PPP2R2B: variants seen among roughly 807,000 people sequenced by gnomAD.
PPP2R2B encodes protein phosphatase 2 regulatory subunit Bbeta, also known as serine/threonine-protein phosphatase 2A 55 kDa regulatory subunit B beta isoform.
A neutral mutation model predicts 46.0 loss-of-function variants in PPP2R2B; 5 were observed. The observed-to-expected ratio is 0.11, with a 90% CI of 0.06 to 0.23. The LOEUF is 0.23. Ranked by LOEUF, PPP2R2B falls within the 10% of genes least tolerant of loss-of-function variation. The probability of loss-of-function intolerance (pLI) is 1.00; values close to 1 mark genes in which losing one functional copy is unlikely to be tolerated. For missense variants in PPP2R2B, 367 were observed against 575.0 expected (o/e 0.64, Z 3.70); for synonymous variants, 215 against 206.7 (o/e 1.04, Z -0.34).
chr5:147,029,152 T>C (rs1244534154), intron 1 of PPP2R2B, among the ~76,000 whole-genome samples: 1 of 152,228 alleles, frequency 6.6e-6, no homozygotes. Flanking sequence ...TTAACTTTAA[T>C]GTAGTCTAAT....
chr5:146,942,945 C>T (rs1423821538), intron 1 of PPP2R2B, among the ~76,000 whole-genome samples: 1 of 151,956 alleles, frequency 6.6e-6, no homozygotes, highest in East Asian at 1.9e-4. Context: ...CTACAGGTGC[C>T]CGCCACCACG....
chr5:146,799,111 C>G (rs1388520937), intron 2 of PPP2R2B, among the ~76,000 whole-genome samples: 1 of 152,178 alleles, frequency 6.6e-6, no homozygotes, highest in African/African-American at 2.4e-5. Flanking sequence ...TTACTTACTC[C>G]CCAGTTCTTA....
intron 2 of PPP2R2B, among the ~76,000 whole-genome samples, chr5:146,832,477 C>T (rs1210663765): frequency 4.7e-5 from 7 of 149,226 alleles, no homozygotes; most frequent in Non-Finnish European, 3.0e-5. Flanking sequence ...CCGCAACCTC[C>T]GCCTCCTGGG....
chr5:146,774,941 A>G (rs1232999119), intron 2 of PPP2R2B, among the ~76,000 whole-genome samples: 2 of 152,180 alleles, frequency 1.3e-5, no homozygotes, highest in East Asian at 3.8e-4. Flanking sequence ...ACTTAAGGAG[A>G]AATAGAAAAT....
intron 1 of PPP2R2B, among the ~76,000 whole-genome samples, chr5:146,953,679 G>A (rs1751734414): frequency 1.3e-5 from 2 of 152,156 alleles, no homozygotes; most frequent in South Asian, 4.1e-4. Context: ...TACTTAGCCT[G>A]TGTTAAACAT....
At chr5:146,828,019 G>GAC (rs1554142009) in intron 2 of PPP2R2B, among the ~76,000 whole-genome samples, 39 of 145,452 alleles carry the variant, frequency 2.7e-4, no homozygotes, top group African/African-American at 9.1e-4. Context: ...GAGAGAGAGA[G>GAC]AGAGACAGAG....
intron 2 of PPP2R2B, among the ~76,000 whole-genome samples, chr5:146,706,006 AC>A (rs1779819429): frequency 6.6e-6 from 1 of 152,100 alleles, no homozygotes; most frequent in African/African-American, 2.4e-5. Flanking sequence ...AAAACAAAAA[AC>A]AATTGAATTG....
intron 2 of PPP2R2B, among the ~76,000 whole-genome samples, chr5:146,734,822 T>C (rs1752441955): frequency 6.6e-6 from 1 of 152,194 alleles, no homozygotes; most frequent in Admixed American, 6.5e-5. Context: ...ATGATACTTA[T>C]GTTTTGGAAT....
chr5:146,644,669 G>T (rs1210195746), intron 6 of PPP2R2B, among the ~76,000 whole-genome samples: 1 of 152,148 alleles, frequency 6.6e-6, no homozygotes, highest in African/African-American at 2.4e-5. Context: ...TTTGCTAAGA[G>T]AATTTGGGAA....
At chr5:146,790,387 GA>G (rs1756120863) in intron 2 of PPP2R2B, among the ~76,000 whole-genome samples, 1 of 152,174 alleles carries the variant, frequency 6.6e-6, no homozygotes, top group South Asian at 2.1e-4. Flanking sequence ...TGATTAGAAA[GA>G]GTTGTTATTT....
At chr5:146,769,760 C>T (rs77782943) in intron 2 of PPP2R2B, among the ~76,000 whole-genome samples, 8,992 of 152,120 alleles carry the variant, frequency 0.059, 420 homozygotes, top group African/African-American at 0.13. Flanking sequence ...AATACAAACA[C>T]GAGCAAGTCC....
chr5:146,643,512 G>T (rs1258088083), intron 6 of PPP2R2B, among the ~76,000 whole-genome samples: 1 of 152,194 alleles, frequency 6.6e-6, no homozygotes, highest in Non-Finnish European at 1.5e-5. Context: ...TCTTGGCATT[G>T]TATGTTCCCA....
chr5:146,876,265 G>A (rs1241404471), intron 2 of PPP2R2B, among the ~76,000 whole-genome samples: 1 of 152,058 alleles, frequency 6.6e-6, no homozygotes, highest in African/African-American at 2.4e-5. Context: ...AATATCCAGG[G>A]CCCTGAAAAC....
chr5:146,979,363 C>T (rs1753060785), intron 1 of PPP2R2B, among the ~76,000 whole-genome samples: 1 of 152,120 alleles, frequency 6.6e-6, no homozygotes, highest in East Asian at 1.9e-4. Flanking sequence ...AAATTTCACA[C>T]AATTTTCTTG....
intron 2 of PPP2R2B, among the ~76,000 whole-genome samples, chr5:146,733,256 T>A (rs1429841290): frequency 6.6e-6 from 1 of 152,288 alleles, no homozygotes; most frequent in Non-Finnish European, 1.5e-5. Context: ...ATTTCCAAAG[T>A]ACAGGGCTGG....
chr5:146,850,021 A>G (rs1180879430), intron 2 of PPP2R2B, among the ~76,000 whole-genome samples: 2 of 152,158 alleles, frequency 1.3e-5, no homozygotes, highest in Non-Finnish European at 2.9e-5. Context: ...ACAAAGGGAA[A>G]GGTGCTAAAG....
intron 2 of PPP2R2B, among the ~76,000 whole-genome samples, chr5:146,787,531 C>T (rs1166747461): frequency 6.6e-6 from 1 of 151,890 alleles, no homozygotes; most frequent in Non-Finnish European, 1.5e-5. Context: ...CCTCTCTTTT[C>T]TCCTCCCCTC....
intron 8 of PPP2R2B, among the ~76,000 whole-genome samples, chr5:146,599,328 C>T (rs1207206660): frequency 1.3e-5 from 2 of 152,182 alleles, no homozygotes; most frequent in Non-Finnish European, 2.9e-5. Context: ...TTCATCCTAC[C>T]CATCCTTCCA....
chr5:146,996,281 G>GA (rs1470434791), intron 1 of PPP2R2B, among the ~76,000 whole-genome samples: 1 of 152,124 alleles, frequency 6.6e-6, no homozygotes, highest in Non-Finnish European at 1.5e-5. Context: ...AAATAACTGG[G>GA]AAAAAATTGA....
Sources: gnomAD v4.1 joint callset for allele counts (sites outside exome capture counted in the v4.1 genomes callset) on GRCh38, gnomAD v4.1.1 for gene constraint, MANE v1.5 for transcripts, NCBI Gene and HGNC (gene_info 2026-07-23, HGNC 2026-07-21) for gene names.